Variants in FMN2 observed in about 807,000 individuals in gnomAD.
FMN2 encodes formin 2.
Under a neutral mutation model 142.3 loss-of-function variants are expected in FMN2, and 51 were observed. The observed-to-expected ratio is 0.36, with a 90% confidence interval of 0.29 to 0.45. FMN2 has a LOEUF of 0.45. FMN2 is among the 20% of genes least tolerant of loss of function. FMN2 has a pLI of 1.00. For synonymous variants in FMN2, 882 were observed against 869.8 expected (o/e 1.01, Z -0.25); for missense variants, 1,936 against 2,122.8 (o/e 0.91, Z 1.73).
At chr1:240,297,594 C>CAAAAAA (rs57504077) in intron 8 of FMN2, among the ~76,000 whole-genome samples, 9 of 88,746 alleles carry the variant, frequency 1.0e-4, no homozygotes, top group Non-Finnish European at 1.1e-4. Flanking sequence ...GACTCCATCT[C>CAAAAAA]AAAAAAAAAA....
At chr1:240,287,893 T>A (rs1331001330) in intron 7 of FMN2, among the ~76,000 whole-genome samples, 1 of 152,198 alleles carries the variant, frequency 6.6e-6, no homozygotes, top group South Asian at 2.1e-4. Context: ...TAATAAGTTG[T>A]GTGGTCACTG....
intron 2 of FMN2, among the ~76,000 whole-genome samples, chr1:240,129,176 G>T (rs767554209): frequency 3.3e-5 from 5 of 151,878 alleles, no homozygotes; most frequent in African/African-American, 7.3e-5. Context: ...GCCCAGCCTT[G>T]AATTCATTTT....
chr1:240,184,976 T>TTCTCTTTCTCCCTCCTATACCTG (rs1558344917), intron 3 of FMN2, among the ~76,000 whole-genome samples: 1 of 69,366 alleles, frequency 1.4e-5, no homozygotes, highest in African/African-American at 4.5e-5. Flanking sequence ...TCCTATACCT[T>TTCTCTTTCTCCCTCCTATACCTG]CCCCTTCTCT....
intron 15 of FMN2, among the ~76,000 whole-genome samples, chr1:240,416,643 A>G (rs1046073830): frequency 4.0e-5 from 6 of 151,716 alleles, no homozygotes; most frequent in Non-Finnish European, 7.4e-5. Context: ...GTTGATATTT[A>G]TGTTATTTAA....
intron 15 of FMN2, among the ~76,000 whole-genome samples, chr1:240,396,286 A>G (rs542090064): frequency 8.4e-4 from 127 of 150,590 alleles, no homozygotes; most frequent in African/African-American, 2.5e-3. Context: ...CCAAACCCAC[A>G]ATATCTCCGA....
intron 15 of FMN2, among the ~76,000 whole-genome samples, chr1:240,415,436 A>G (rs1390911618): frequency 1.3e-5 from 2 of 151,962 alleles, no homozygotes; most frequent in African/African-American, 4.8e-5. Flanking sequence ...CCTAATGTAG[A>G]TGACCGGTTG....
intron 15 of FMN2, among the ~76,000 whole-genome samples, chr1:240,417,934 T>G (rs560023103): frequency 3.9e-5 from 6 of 152,240 alleles, no homozygotes; most frequent in Non-Finnish European, 5.9e-5. Flanking sequence ...TGATGGAATG[T>G]TCTTTTTTAA....
intron 15 of FMN2, among the ~76,000 whole-genome samples, chr1:240,417,343 A>T (rs1674612290): frequency 6.6e-6 from 1 of 151,514 alleles, no homozygotes; most frequent in South Asian, 2.1e-4. Context: ...CTTCTTCCAG[A>T]GAGGATTTGG....
intron 7 of FMN2, among the ~76,000 whole-genome samples, chr1:240,282,500 C>T (rs911351997): frequency 6.6e-6 from 1 of 152,126 alleles, no homozygotes; most frequent in Non-Finnish European, 1.5e-5. Flanking sequence ...AAGAAGAATG[C>T]TGTTGGTATA....
rs143134046 is a variant in FMN2, at chr1:240,348,029, T to C, written c.4766-7787T>C. 3.5e-4 allele frequency among the ~76,000 whole-genome samples: 54 copies of C among 152,298 alleles called. 1 individual carries two copies. In the East Asian group the frequency reaches 0.01, roughly 28 times the overall value. On this transcript the variant is annotated intron_variant, in intron 13 of 17. Transcript: ENST00000319653. ...CATACAAATGCATGTGTTCTTTTGGTAGAACAATTTATTTTCCTTTGGGCA... is the reference window on the plus strand; with the variant it reads ...CATACAAATGCATGTGTTCTTTTGGCAGAACAATTTATTTTCCTTTGGGCA...
chr1:240,232,965 A>C (rs1667577041), intron 6 of FMN2, among the ~76,000 whole-genome samples: 1 of 152,208 alleles, frequency 6.6e-6, no homozygotes, highest in Non-Finnish European at 1.5e-5. Flanking sequence ...ACTCACATCA[A>C]CATCGTAGTT....
intron 6 of FMN2, chr1:240,245,405 A>G (rs917689443): frequency 1.2e-5 from 5 of 423,078 alleles, no homozygotes; most frequent in African/African-American, 4.1e-5. Context: ...AGTGAAAGAG[A>G]AGAATGAAAG....
intron 2 of FMN2, among the ~76,000 whole-genome samples, chr1:240,146,538 A>T (rs993870428): frequency 6.6e-6 from 1 of 151,782 alleles, no homozygotes; most frequent in Non-Finnish European, 1.5e-5. Context: ...CCCCATCTCT[A>T]CTAAAAATAC....
intron 7 of FMN2, among the ~76,000 whole-genome samples, chr1:240,264,120 A>T (rs1668718427): frequency 6.6e-6 from 1 of 152,164 alleles, no homozygotes. Context: ...AGTTAAGGGT[A>T]CCTTACAAGG....
rs35191164 is a variant in FMN2 at position 240,098,097 on chromosome 1, A to ATTTTTTTTTTT, written c.1615+4384_1615+4394dup. On this transcript the variant is annotated intron_variant, in intron 1 of 17. Coordinates refer to ENST00000319653, the MANE Select transcript of FMN2 (RefSeq NM_020066.5). ...TTGGCCTTTCTAAAGGTTATCTTGA[A>ATTTTTTTTTTT]TTTTTTTTTTTTTTTTTTTTTGGAG... 2.1e-3 allele frequency among the ~76,000 whole-genome samples: 208 copies of ATTTTTTTTTTT among 98,638 alleles called. 17 individuals are homozygous for ATTTTTTTTTTT. Among genetic ancestry groups the ATTTTTTTTTTT allele is most frequent in the African/African-American group, 8.8e-3 (191 of 21,822 alleles). 64.7% of individuals were successfully genotyped at this position (98,638 alleles called of 152,430 possible).
chr1:240,338,350 T>C (rs1001456553), intron 13 of FMN2, among the ~76,000 whole-genome samples: 7 of 152,218 alleles, frequency 4.6e-5, no homozygotes, highest in Admixed American at 4.6e-4. Context: ...ACATTTAAAT[T>C]GTTCATTTCT....
intron 7 of FMN2, among the ~76,000 whole-genome samples, chr1:240,284,342 G>A (rs78907757): frequency 1.3e-5 from 2 of 151,976 alleles, no homozygotes; most frequent in East Asian, 1.9e-4. Context: ...TTTTAAGCTG[G>A]GGGGGAGGAT....
chr1:240,161,357 C>G (rs1664271595), intron 2 of FMN2, among the ~76,000 whole-genome samples: 1 of 151,834 alleles, frequency 6.6e-6, no homozygotes. Context: ...AAGGTGAAAC[C>G]CTGTCTCTAC....
chr1:240,335,446 A>T (rs891038537), intron 13 of FMN2, among the ~76,000 whole-genome samples: 1 of 152,176 alleles, frequency 6.6e-6, no homozygotes, highest in African/African-American at 2.4e-5. Context: ...CAACAAAAAA[A>T]CCCACTCATG....
Sources: gnomAD v4.1 joint callset for allele counts (sites outside exome capture counted in the v4.1 genomes callset) on GRCh38, gnomAD v4.1.1 for gene constraint, MANE v1.5 for transcripts, NCBI Gene and HGNC (gene_info 2026-07-23, HGNC 2026-07-21) for gene names.